The following METAP2 variants were observed in gnomAD, a reference collection of about 807,000 sequenced individuals.
The protein encoded by METAP2 is methionine aminopeptidase 2.
A neutral mutation model predicts 59.4 loss-of-function variants in METAP2; 25 were observed. The ratio of observed to expected loss-of-function variants is 0.42; its 90% CI spans 0.31 to 0.59. The LOEUF (loss-of-function observed/expected upper bound fraction) is 0.59. Ranked by LOEUF, METAP2 falls within the 20% of genes least tolerant of loss-of-function variation. The pLI is 0.16. For synonymous variants in METAP2, 214 were observed against 194.1 expected (o/e 1.10, Z -0.85); for missense variants, 366 against 581.2 (o/e 0.63, Z 3.81).
chr12:95,514,102 T>C lies in METAP2; in HGVS notation c.*198T>C, dbSNP rs1248769571. ...CCAACGAAAAAGCTTTCCGGACTTTTAAATGCTAACTGTTTTTCCCCTTCC... is the reference window on the plus strand; with the variant it reads ...CCAACGAAAAAGCTTTCCGGACTTTCAAATGCTAACTGTTTTTCCCCTTCC... On this transcript the variant is annotated 3_prime_UTR_variant, in exon 11 of 11. Coordinates refer to ENST00000323666, the MANE Select transcript of METAP2 (RefSeq NM_006838.4). The C allele has an allele frequency of 1.8e-6, 1 of 561,750 alleles. No individual in the cohort carries two copies. Among genetic ancestry groups the C allele is most frequent in the East Asian group, 3.1e-5 (1 of 31,784 alleles). The allele number at this position is 561,750 out of a possible 1,614,324, so 34.8% of individuals were successfully genotyped here.
intron 7 of METAP2, among the ~76,000 whole-genome samples, chr12:95,498,984 C>T (rs1050385234): frequency 3.3e-5 from 5 of 151,268 alleles, no homozygotes; most frequent in African/African-American, 1.2e-4. Flanking sequence ...CCACTGCGTT[C>T]CAGCCTGGGT....
intron 8 of METAP2, among the ~76,000 whole-genome samples, chr12:95,506,795 C>CTTATTTAT (rs56755873): frequency 0.25 from 36,477 of 147,140 alleles, 5,123 homozygotes; most frequent in East Asian, 0.44. Context: ...AAGCAGAATA[C>CTTATTTAT]TTATTTATTT....
intron 1 of METAP2, among the ~76,000 whole-genome samples, chr12:95,475,864 A>G (rs977589737): frequency 1.3e-5 from 2 of 152,182 alleles, no homozygotes; most frequent in Admixed American, 1.3e-4. Flanking sequence ...TGTAATGGAT[A>G]TTTTGTTGAG....
intron 2 of METAP2, among the ~76,000 whole-genome samples, chr12:95,479,686 G>A (rs547667855): frequency 6.6e-6 from 1 of 150,524 alleles, no homozygotes; most frequent in Non-Finnish European, 1.5e-5. Flanking sequence ...TCAGCTCACT[G>A]CAACCTCTGC....
At chr12:95,493,381 A>G (rs1017247508) in intron 4 of METAP2, among the ~76,000 whole-genome samples, 26 of 152,176 alleles carry the variant, frequency 1.7e-4, no homozygotes, top group Non-Finnish European at 3.4e-4. Flanking sequence ...CTGCTTGGGA[A>G]GCTGAGGCAG....
intron 7 of METAP2, among the ~76,000 whole-genome samples, chr12:95,503,689 C>A (rs182113674): frequency 6.6e-6 from 1 of 152,258 alleles, no homozygotes; most frequent in Admixed American, 6.5e-5. Flanking sequence ...TCCAGGAACA[C>A]GAGCCAACCA....
intron 8 of METAP2, among the ~76,000 whole-genome samples, chr12:95,505,787 G>T (rs1370055850): frequency 6.6e-6 from 1 of 151,298 alleles, no homozygotes; most frequent in Non-Finnish European, 1.5e-5. Flanking sequence ...GAGCCACCGT[G>T]CCCAACTCTT....
intron 4 of METAP2, among the ~76,000 whole-genome samples, chr12:95,493,309 CT>C (rs1424999180): frequency 1.3e-5 from 2 of 152,114 alleles, no homozygotes; most frequent in African/African-American, 4.8e-5. Flanking sequence ...GACCCCATTT[CT>C]TTAAAGAAAA....
chr12:95,501,693 G>A (rs958308469), intron 7 of METAP2, among the ~76,000 whole-genome samples: 1 of 150,146 alleles, frequency 6.7e-6, no homozygotes, highest in Non-Finnish European at 1.5e-5. Context: ...CCAGCCTGGC[G>A]ACAGAGCAAA....
At chr12:95,498,437 T>G (rs1439765044) in intron 7 of METAP2, among the ~76,000 whole-genome samples, 2 of 152,236 alleles carry the variant, frequency 1.3e-5, no homozygotes, top group African/African-American at 4.8e-5. Context: ...AATGTTGTCA[T>G]GAAGTCCAGT....
chr12:95,492,857 A>G (rs753382965), intron 4 of METAP2, among the ~76,000 whole-genome samples: 5 of 152,168 alleles, frequency 3.3e-5, no homozygotes, highest in Non-Finnish European at 5.9e-5. Context: ...TTTTTCTTCA[A>G]AGGGCATATA....
chr12:95,510,969 A>G (rs185712726), intron 8 of METAP2, among the ~76,000 whole-genome samples: 203 of 152,242 alleles, frequency 1.3e-3, no homozygotes, highest in Middle Eastern at 6.8e-3. Flanking sequence ...TAAAAAAGCT[A>G]GACGTTTTAT....
At chr12:95,513,397 C>T (rs2076419378) in intron 10 of METAP2, among the ~76,000 whole-genome samples, 1 of 152,182 alleles carries the variant, frequency 6.6e-6, no homozygotes, top group South Asian at 2.1e-4. Context: ...GAATATAACA[C>T]ACACACACGC....
intron 7 of METAP2, among the ~76,000 whole-genome samples, chr12:95,501,995 ATTTTTTTT>A (rs113290129): frequency 3.0e-5 from 4 of 131,154 alleles, no homozygotes; most frequent in Non-Finnish European, 4.8e-5. Context: ...TTTTAATATA[ATTTTTTTT>A]TTTTTTTTTT....
intron 2 of METAP2, among the ~76,000 whole-genome samples, chr12:95,482,662 T>C (rs1308328866): frequency 6.6e-6 from 1 of 150,648 alleles, no homozygotes; most frequent in African/African-American, 2.4e-5. Flanking sequence ...GGCATGCACC[T>C]GTAATCCCAG....
intron 7 of METAP2, among the ~76,000 whole-genome samples, chr12:95,499,283 A>G (rs1407839878): frequency 6.6e-6 from 1 of 152,136 alleles, no homozygotes; most frequent in Non-Finnish European, 1.5e-5. Context: ...TTGGAACTAC[A>G]GGCTCATGCC....
Position 95,506,792 on chromosome 12 carries a change from A to ATATTTATTTATTTATTTATT in METAP2, c.964+2633_964+2634insTTTATTTATTTATTTATTTA, listed in dbSNP as rs879449367. Among the ~76,000 whole-genome samples, 20 of 99,218 alleles carry ATATTTATTTATTTATTTATT rather than the reference A, an allele frequency of 2.0e-4. 1 individual carries two copies. The highest frequency in any genetic ancestry group is 7.6e-4 in the African/African-American group (20 of 26,394). The allele number at this position is 99,218 out of a possible 152,430, so 65.1% of individuals were successfully genotyped here. A position where few individuals can be genotyped will look rare whatever the true frequency, so the allele number is the denominator to read the frequency against. ...CCTGTGAACACAAGTGCAAAGCAGA[A>ATATTTATTTATTTATTTATT]TACTTATTTATTTATTTATTTATTT... is the stretch of plus-strand genomic sequence containing the variant. On this transcript the variant is annotated intron_variant, in intron 8 of 10. Transcript: ENST00000323666.
At chr12:95,496,963 T>TA (rs890961519) in intron 7 of METAP2, among the ~76,000 whole-genome samples, 9 of 151,846 alleles carry the variant, frequency 5.9e-5, no homozygotes, top group African/African-American at 2.2e-4. Context: ...TTGCTGGGAT[T>TA]ACAGGCACGC....
intron 7 of METAP2, among the ~76,000 whole-genome samples, chr12:95,497,429 A>G (rs56142406): frequency 0.079 from 12,087 of 152,314 alleles, 666 homozygotes; most frequent in Non-Finnish European, 0.12. Context: ...TTAAGGCTAA[A>G]TAATCTATTG....
Sources: allele counts gnomAD v4.1 joint callset (sites outside exome capture counted in the v4.1 genomes callset), GRCh38; gene constraint gnomAD v4.1.1; transcripts MANE v1.5; gene names NCBI Gene and HGNC (gene_info 2026-07-23, HGNC 2026-07-21).